Variants in NCR3LG1 observed in about 807,000 individuals in gnomAD.
NCR3LG1 encodes natural killer cell cytotoxicity receptor 3 ligand 1.
Under a neutral mutation model 34.8 loss-of-function variants are expected in NCR3LG1, and 35 were observed. The observed-to-expected ratio is 1.01, with a 90% confidence interval of 0.77 to 1.33. The LOEUF (loss-of-function observed/expected upper bound fraction) is 1.33, where lower values mean the gene tolerates loss of function less well. Ranked by LOEUF, NCR3LG1 falls within the 40% of genes most tolerant of loss-of-function variation. The pLI, the probability that NCR3LG1 is intolerant of heterozygous loss-of-function variation, is 0.00. For missense variants in NCR3LG1, 452 were observed against 423.3 expected (o/e 1.07, Z -0.60); for synonymous variants, 173 against 163.6 (o/e 1.06, Z -0.44).
chr11:17,379,062 A>G (rs1342873122), downstream of NCR3LG1, among the ~76,000 whole-genome samples: 3 of 152,210 alleles, frequency 2.0e-5, no homozygotes, highest in Non-Finnish European at 4.4e-5. Flanking sequence ...AAGCCTCTGT[A>G]TTCAACTGTG....
At chr11:17,357,898 G>A (rs1197720441) in intron 2 of NCR3LG1, among the ~76,000 whole-genome samples, 1 of 151,974 alleles carries the variant, frequency 6.6e-6, no homozygotes, top group African/African-American at 2.4e-5. Context: ...TAGAGATGGG[G>A]CCTTGTGTTG....
Position 17,376,509 on chromosome 11 carries a change from G to A in NCR3LG1, c.*3997G>A, listed in dbSNP as rs1953479170. The A allele has an allele frequency of 6.6e-6, 1 of 152,182 alleles. No individual in the cohort carries two copies. The highest frequency in any genetic ancestry group is 2.1e-4 in the South Asian group (1 of 4,826). 9.4% of individuals were successfully genotyped at this position (152,182 alleles called of 1,614,324 possible). Reference sequence around the variant, plus strand: ...TGTCCTGAGCGGTTTGCTCAGTTCAGTAACACTAAGGAACCTCTTGATGAC... The same window carrying A: ...TGTCCTGAGCGGTTTGCTCAGTTCAATAACACTAAGGAACCTCTTGATGAC... On this transcript the variant is annotated 3_prime_UTR_variant, in exon 5 of 5. Transcript: ENST00000338965.
intron 2 of NCR3LG1, among the ~76,000 whole-genome samples, chr11:17,358,500 A>G (rs1455218873): frequency 6.6e-6 from 1 of 152,176 alleles, no homozygotes; most frequent in Admixed American, 6.5e-5. Context: ...ATCAAATCAC[A>G]TGACTTATGA....
At chr11:17,362,942 G>A (rs1174000247) in intron 2 of NCR3LG1, among the ~76,000 whole-genome samples, 1 of 109,356 alleles carries the variant, frequency 9.1e-6, no homozygotes, top group Non-Finnish European at 1.7e-5. Flanking sequence ...CTTTCTTCCT[G>A]CAACGTCTTG....
chr11:17,352,785 T>A (rs1285325243), intron 1 of NCR3LG1, among the ~76,000 whole-genome samples: 3 of 151,856 alleles, frequency 2.0e-5, no homozygotes, highest in African/African-American at 7.3e-5. Context: ...GATCTTGTGG[T>A]GACCTTCAAA....
intron 2 of NCR3LG1, among the ~76,000 whole-genome samples, chr11:17,357,343 T>TTTC (rs1953222107): frequency 6.6e-6 from 1 of 152,180 alleles, no homozygotes; most frequent in African/African-American, 2.4e-5. Context: ...TGTGTCCTAA[T>TTTC]TTCCTCTTCT....
chr11:17,357,917 C>T (rs530707283), intron 2 of NCR3LG1, among the ~76,000 whole-genome samples: 12 of 152,194 alleles, frequency 7.9e-5, no homozygotes, highest in East Asian at 5.8e-4. Context: ...TGCCCAGGCT[C>T]GTCTCCAACT....
chr11:17,366,858 A>T, intron 2 of NCR3LG1, 151 bp from the exon 3 acceptor site: 1 of 613,960 alleles, frequency 1.6e-6, no homozygotes, highest in Non-Finnish European at 2.8e-6. Flanking sequence ...CAGCATTTTT[A>T]AAGAGTAGGC....
At chr11:17,359,455 TAAG>T (rs1953245953) in intron 2 of NCR3LG1, among the ~76,000 whole-genome samples, 1 of 151,974 alleles carries the variant, frequency 6.6e-6, no homozygotes, top group African/African-American at 2.4e-5. Context: ...TGTACTCCGA[TAAG>T]AAACAACTTT....
At chr11:17,352,085 G>A (rs1486986631) in intron 1 of NCR3LG1, 46 bp downstream of exon 1, 1 of 1,365,942 alleles carries the variant, frequency 7.3e-7, no homozygotes, top group African/African-American at 1.5e-5. Context: ...CCTGGCGCCA[G>A]AGGGTCCTCG....
chr11:17,379,477 C>T (rs147477893), downstream of NCR3LG1, among the ~76,000 whole-genome samples: 22 of 152,276 alleles, frequency 1.4e-4, no homozygotes, highest in South Asian at 1.7e-3. Context: ...GCAGTGAAGG[C>T]GTGCCAGTTC....
rs1339885645 is a variant in NCR3LG1 at position 17,356,669 on chromosome 11, T to A, written c.89T>A (p.Met30Lys). Residue 30 changes from methionine (M) to lysine (K), a missense_variant, in exon 2 of 5, where the codon ATG (methionine) becomes AAG (lysine). Met to Lys is a moderately conservative substitution (Grantham distance 95, BLOSUM62 -1). Coordinates refer to ENST00000338965, the MANE Select transcript of NCR3LG1 (RefSeq NM_001202439.3). ...GCCACAGGTGATCTGAAAGTAGAGA[T>A]GATGGCAGGGGGGACTCAGATCACA... ...LTTEGDLKVE[M>K]MAGGTQITPL... The A allele has an allele frequency of 1.3e-6, 2 of 1,534,012 alleles. No homozygotes were observed. Among genetic ancestry groups the A allele is most frequent in the Non-Finnish European group, 1.7e-6 (2 of 1,145,602 alleles).
Position 17,373,115 on chromosome 11 carries a change from A to T in NCR3LG1, c.*603A>T, listed in dbSNP as rs1953431273. On this transcript the variant is annotated 3_prime_UTR_variant, in exon 5 of 5. Coordinates refer to ENST00000338965, the MANE Select transcript of NCR3LG1 (RefSeq NM_001202439.3). ...ACAGCTAATTTTGAAAGACAAGTTT[A>T]TTACTCAGACAGCCCCTGATATCAG... The T allele has an allele frequency of 6.6e-6, 1 of 152,272 alleles. No individual in the cohort carries two copies. Among genetic ancestry groups the T allele is most frequent in the Admixed American group, 6.5e-5 (1 of 15,280 alleles). 9.4% of individuals were successfully genotyped at this position (152,272 alleles called of 1,614,324 possible). A position where few individuals can be genotyped will look rare whatever the true frequency, so the allele number is the denominator to read the frequency against.
At chr11:17,370,313 T>C (rs1388444760) in intron 4 of NCR3LG1, among the ~76,000 whole-genome samples, 6 of 152,202 alleles carry the variant, frequency 3.9e-5, no homozygotes, top group Non-Finnish European at 8.8e-5. Context: ...GACAAAGAAC[T>C]TCAGGTGATA....
intron 1 of NCR3LG1, among the ~76,000 whole-genome samples, chr11:17,354,545 CTTTTTTTTTTTTTT>C (rs71047545): frequency 1.4e-4 from 10 of 70,334 alleles, no homozygotes; most frequent in South Asian, 1.1e-3. Context: ...AATTCTTCTT[CTTTTTTTTTTTTTT>C]TTTTTTTTTT....
In NCR3LG1 at chr11:17,352,043, GGGGGCGGCTGGGGTGGGCT is replaced by G; in HGVS notation, c.70+12_70+30del. ...CTGTGGGCGCTGACGACCGAAGGTA[GGGGGCGGCTGGGGTGGGCT>G]GGGGCGGGGGCTCCTGGCGCCAGAG... is the stretch of plus-strand genomic sequence containing the variant. On this transcript the variant is annotated splice_donor_5th_base_variant and intron_variant, in intron 1 of 4. Coordinates refer to ENST00000338965, the MANE Select transcript of NCR3LG1 (RefSeq NM_001202439.3). The G allele has an allele frequency of 6.6e-7, 1 of 1,508,004 alleles. No homozygotes were observed. The highest frequency in any genetic ancestry group is 8.8e-7 in the Non-Finnish European group (1 of 1,131,410). 93.4% of individuals were successfully genotyped at this position (1,508,004 alleles called of 1,614,324 possible).
intron 1 of NCR3LG1, among the ~76,000 whole-genome samples, chr11:17,354,588 GT>G (rs1376661237): frequency 2.1e-5 from 1 of 47,268 alleles, no homozygotes; most frequent in African/African-American, 6.6e-5. Flanking sequence ...GTCACTTTTC[GT>G]TTTTAAGAGT....
chr11:17,357,788 C>T (rs1054694292), intron 2 of NCR3LG1, among the ~76,000 whole-genome samples: 2 of 151,988 alleles, frequency 1.3e-5, no homozygotes, highest in Admixed American at 6.6e-5. Context: ...CTCACTGTAA[C>T]CTCAAACTCC....
At chr11:17,368,621 A>G (rs1189960563) in intron 3 of NCR3LG1, among the ~76,000 whole-genome samples, 1 of 152,124 alleles carries the variant, frequency 6.6e-6, no homozygotes, top group Non-Finnish European at 1.5e-5. Flanking sequence ...TTTGAAGATG[A>G]GGGTAGCACA....
Sources: allele counts gnomAD v4.1 joint callset (sites outside exome capture counted in the v4.1 genomes callset), GRCh38; gene constraint gnomAD v4.1.1; transcripts MANE v1.5; gene names NCBI Gene and HGNC (gene_info 2026-07-23, HGNC 2026-07-21).